Variants in TOX2 observed in about 807,000 individuals in gnomAD.
TOX2 encodes TOX high mobility group box family member 2, also known as granulosa cell HMG box 1.
TOX2 carries 15 observed loss-of-function variants against 47.4 expected under a neutral mutation model. That is an observed-to-expected ratio of 0.32 (90% CI 0.21 to 0.49). The LOEUF (loss-of-function observed/expected upper bound fraction) is 0.49. Among genes scored for constraint, TOX2 ranks in the 20% least tolerant of loss-of-function variants. TOX2 has a pLI of 0.99. For missense variants in TOX2, 622 were observed against 673.1 expected (o/e 0.92, Z 0.84); for synonymous variants, 290 against 296.6 (o/e 0.98, Z 0.23).
chr20:44,040,884 C>T (rs1201059148), intron 3 of TOX2, among the ~76,000 whole-genome samples: 2 of 152,094 alleles, frequency 1.3e-5, no homozygotes, highest in African/African-American at 2.4e-5. Context: ...TTTAAGAGAC[C>T]TGGAGCTAAG....
At position 43,993,933 on chromosome 20, in the gene TOX2, G is replaced by A. The variant is rs2070416437; in HGVS notation, c.166-12614G>A. Among the ~76,000 whole-genome samples, 3 of 152,144 alleles carry A rather than the reference G, an allele frequency of 2.0e-5. No homozygotes were observed. The South Asian group carries it at 6.2e-4, about 31-fold the overall frequency. On this transcript the variant is annotated intron_variant, in intron 2 of 8. Coordinates refer to ENST00000341197, the MANE Select transcript of TOX2 (RefSeq NM_001098797.2). ...TTCGGAATGGAAAGCAGGGAGGATT[G>A]CTTGAGGCCAGGAGTTTGAGACCAG...
At chr20:44,051,765 T>C (rs770677167) in intron 4 of TOX2, among the ~76,000 whole-genome samples, 27 of 152,204 alleles carry the variant, frequency 1.8e-4, no homozygotes, top group Non-Finnish European at 3.7e-4. Context: ...CAGGCCACGC[T>C]GGAAGCCAAG....
chr20:44,061,321 A>G (rs1335064014), intron 5 of TOX2, among the ~76,000 whole-genome samples: 1 of 152,120 alleles, frequency 6.6e-6, no homozygotes, highest in Non-Finnish European at 1.5e-5. Context: ...TCCACAAAAT[A>G]AAGAGGGAAT....
rs779127205 is a variant in TOX2 at position 44,066,040 on chromosome 20, C to A, written c.1289C>A (p.Pro430His). The change falls in exon 7 of 9, where the codon CCT becomes CAT. Residue 430 changes from proline to histidine, a missense_variant. Coordinates refer to ENST00000341197, the MANE Select transcript of TOX2 (RefSeq NM_001098797.2). ...PVSMSPAPQP[P>H]VLPTPMALQV... ...AGCATGTCCCCAGCCCCCCAGCCCC[C>A]TGTCCTGCCCACCCCCATGGCACTC... is the stretch of plus-strand genomic sequence containing the variant. 6.3e-7 allele frequency: 1 copy of A among 1,596,506 alleles called. No individual in the cohort carries two copies. Among genetic ancestry groups the A allele is most frequent in the South Asian group, 1.1e-5 (1 of 88,240 alleles).
chr20:43,998,676 A>T (rs934891634), intron 2 of TOX2, among the ~76,000 whole-genome samples: 4 of 152,034 alleles, frequency 2.6e-5, no homozygotes, highest in African/African-American at 9.7e-5. Flanking sequence ...ATTTGTACTT[A>T]ATTTGTAATT....
At chr20:43,928,808 C>T (rs374924345) in intron 1 of TOX2, among the ~76,000 whole-genome samples, 157 of 152,028 alleles carry the variant, frequency 1.0e-3, no homozygotes, top group South Asian at 4.2e-3. Context: ...CTTTATGATG[C>T]GTAAATTGGA....
chr20:43,956,343 C>T (rs997867592), intron 1 of TOX2, among the ~76,000 whole-genome samples: 1 of 152,034 alleles, frequency 6.6e-6, no homozygotes, highest in Non-Finnish European at 1.5e-5. Flanking sequence ...GGTGGATCAC[C>T]TGAGGTCAGG....
At chr20:43,966,226 G>A (rs756526034) in intron 1 of TOX2, among the ~76,000 whole-genome samples, 18 of 152,184 alleles carry the variant, frequency 1.2e-4, no homozygotes, top group Non-Finnish European at 2.2e-4. Flanking sequence ...GGAACCAGTC[G>A]TCAGATCAAT....
At chr20:44,056,186 T>G (rs1473321642) in intron 5 of TOX2, among the ~76,000 whole-genome samples, 1 of 152,134 alleles carries the variant, frequency 6.6e-6, no homozygotes, top group Non-Finnish European at 1.5e-5. Context: ...CAGGGGACAT[T>G]ACTTCTGCAG....
intron 3 of TOX2, among the ~76,000 whole-genome samples, chr20:44,019,115 A>C (rs1345189689): frequency 0.012 from 1,783 of 152,300 alleles, 36 homozygotes; most frequent in African/African-American, 0.041. Flanking sequence ...TGACTGAAAA[A>C]TGAATGAATG....
chr20:43,952,073 TAAA>T (rs67043030), intron 1 of TOX2, among the ~76,000 whole-genome samples: 1 of 115,148 alleles, frequency 8.7e-6, no homozygotes, highest in African/African-American at 3.3e-5. Context: ...ATTTTTTTTT[TAAA>T]ATTTTTAGTA....
At chr20:44,003,079 C>T (rs901646610) in intron 2 of TOX2, among the ~76,000 whole-genome samples, 1 of 152,150 alleles carries the variant, frequency 6.6e-6, no homozygotes, top group African/African-American at 2.4e-5. Context: ...ACTGCACTGC[C>T]TCCTGCGTGA....
chr20:43,930,282 T>C (rs1299429014), intron 1 of TOX2, among the ~76,000 whole-genome samples: 2 of 152,172 alleles, frequency 1.3e-5, no homozygotes, highest in Non-Finnish European at 2.9e-5. Context: ...TGGGCCTCAC[T>C]TACCCTGTTT....
intron 1 of TOX2, among the ~76,000 whole-genome samples, chr20:43,929,159 AAAAC>A (rs368652271): frequency 4.5e-4 from 69 of 152,140 alleles, no homozygotes; most frequent in African/African-American, 1.0e-3. Context: ...CCCTGTCTCA[AAAAC>A]AAACAAACAA....
At chr20:43,945,809 G>T (rs112601635) in intron 1 of TOX2, 7 of 1,490,884 alleles carry the variant, frequency 4.7e-6, no homozygotes, top group Non-Finnish European at 4.6e-6. Context: ...GAATGGGATG[G>T]GGGGTGGGGG....
chr20:44,025,881 C>T (rs1029446912), intron 3 of TOX2, among the ~76,000 whole-genome samples: 1 of 151,960 alleles, frequency 6.6e-6, no homozygotes, highest in Non-Finnish European at 1.5e-5. Context: ...ATAGCGCCTG[C>T]CTCAGAGGAG....
At chr20:44,053,574 C>CAT (rs200473534) in intron 4 of TOX2, among the ~76,000 whole-genome samples, 3,250 of 136,032 alleles carry the variant, frequency 0.024, 40 homozygotes, top group Middle Eastern at 0.03. Flanking sequence ...TATACACACA[C>CAT]ATATATATAC....
In TOX2 at chr20:43,930,416, C is replaced by T. The variant is rs1011290029; in HGVS notation, c.99+15426C>T. On this transcript the variant is annotated intron_variant, in intron 1 of 8. Transcript: ENST00000341197. ...AGAAACATGCCAGGCCCATCTCTAG[C>T]TGAGTCCAAGGAGGAAAGTTGAGAT... Among the ~76,000 whole-genome samples the T allele has an allele frequency of 9.8e-5, 15 of 152,330 alleles. 1 individual carries two copies. The highest frequency in any genetic ancestry group is 6.2e-4 in the South Asian group (3 of 4,826).
chr20:43,965,279 A>T (rs1318541645), intron 1 of TOX2, among the ~76,000 whole-genome samples: 1 of 152,188 alleles, frequency 6.6e-6, no homozygotes, highest in Non-Finnish European at 1.5e-5. Flanking sequence ...ACAAATGAGG[A>T]TGAGCTTTAA....
Sources: gnomAD v4.1 joint callset for allele counts (sites outside exome capture counted in the v4.1 genomes callset) on GRCh38, gnomAD v4.1.1 for gene constraint, MANE v1.5 for transcripts, NCBI Gene and HGNC (gene_info 2026-07-23, HGNC 2026-07-21) for gene names.